Variants in DNAAF10 observed in about 807,000 individuals in gnomAD.
DNAAF10 encodes WD repeat domain 92.
Under a neutral mutation model 43.7 loss-of-function variants are expected in DNAAF10, and 28 were observed. The observed-to-expected ratio is 0.64, with a 90% CI of 0.48 to 0.88. DNAAF10 has a LOEUF of 0.88. Ranked by LOEUF, DNAAF10 falls within the 40% of genes least tolerant of loss-of-function variation. The pLI, the probability that DNAAF10 is intolerant of heterozygous loss-of-function variation, is 0.00. For missense variants in DNAAF10, 403 were observed against 439.1 expected (o/e 0.92, Z 0.73); for synonymous variants, 156 against 157.3 (o/e 0.99, Z 0.06).
chr2:68,134,403 T>G, intron 7 of DNAAF10: 1 of 1,138,188 alleles, frequency 8.8e-7, no homozygotes, highest in Admixed American at 5.1e-5. Flanking sequence ...GCAGTGAGTG[T>G]TCTAATCACT....
chr2:68,154,572 G>A (rs1404158261), intron 1 of DNAAF10, among the ~76,000 whole-genome samples: 1 of 152,114 alleles, frequency 6.6e-6, no homozygotes, highest in Non-Finnish European at 1.5e-5. Flanking sequence ...GGTTATTCCT[G>A]GCATTGAGAT....
At chr2:68,157,215 C>A in intron 1 of DNAAF10, 46 bp downstream of exon 1, 1 of 1,575,576 alleles carries the variant, frequency 6.3e-7, no homozygotes, top group Non-Finnish European at 8.6e-7. Flanking sequence ...CCCCAGGATC[C>A]GCACTCGCCC....
At position 68,147,565 on chromosome 2, in the gene DNAAF10, A is replaced by G. The variant is rs141186811; in HGVS notation, c.186T>C (p.Ile62=). The G allele has an allele frequency of 1.6e-5, 25 of 1,607,336 alleles. No individual in the cohort carries two copies. In the African/African-American group the frequency reaches 3.2e-4, roughly 21 times the overall value. ...QHGDLKLLRE[I]EKAKPIKCGT... ...CACATTTAATAGGTTTGGCCTTTTCAATCTTCATAGAAGGGAGGAAGAGAG... is the reference window on the plus strand; with the variant it reads ...CACATTTAATAGGTTTGGCCTTTTCGATCTTCATAGAAGGGAGGAAGAGAG... Residue 62 remains isoleucine (I), a splice_region_variant and synonymous_variant, in exon 2 of 8, where the codon ATT becomes ATC. Transcript: ENST00000295121.
intron 1 of DNAAF10, among the ~76,000 whole-genome samples, chr2:68,154,937 A>AT (rs896346234): frequency 7.3e-5 from 11 of 151,396 alleles, no homozygotes; most frequent in African/African-American, 2.4e-4. Context: ...TAATTTTTGT[A>AT]TTTTTTTTAT....
Position 68,147,464 on chromosome 2 carries a change from T to C in DNAAF10, c.284+3A>G. 1 of 1,606,414 alleles carries C rather than the reference T, an allele frequency of 6.2e-7. No homozygotes were observed. Among genetic ancestry groups the C allele is most frequent in the Non-Finnish European group, 8.5e-7 (1 of 1,174,594 alleles). ...TGTCTGAATACTGACTAAATCATCT[T>C]ACCATATATGAAGGTTTCCACCAAA... is the stretch of plus-strand genomic sequence containing the variant. On this transcript the variant is annotated splice_donor_region_variant and intron_variant, in intron 2 of 7. Transcript: ENST00000295121.
chr2:68,150,962 T>C (rs1239928485), intron 1 of DNAAF10, among the ~76,000 whole-genome samples: 1 of 152,206 alleles, frequency 6.6e-6, no homozygotes, highest in Non-Finnish European at 1.5e-5. Flanking sequence ...GCAGATTCTT[T>C]GACACCTGCA....
intron 1 of DNAAF10, among the ~76,000 whole-genome samples, chr2:68,153,817 T>C (rs1673517720): frequency 7.0e-6 from 1 of 142,476 alleles, no homozygotes; most frequent in African/African-American, 2.6e-5. Flanking sequence ...AATGGCGCGA[T>C]CTCGGCTCAC....
intron 1 of DNAAF10, 110 bp from the exon 2 acceptor site, chr2:68,147,677 A>T: frequency 1.4e-6 from 1 of 702,662 alleles, no homozygotes; most frequent in Non-Finnish European, 2.1e-6. Context: ...GACAATATAA[A>T]AGGCAATTAA....
rs1672890558 is a variant in DNAAF10 at position 68,129,862 on chromosome 2, T to C, written c.*1376A>G. The C allele has an allele frequency of 6.6e-6, 1 of 152,040 alleles. No individual in the cohort carries two copies. Among genetic ancestry groups the C allele is most frequent in the African/African-American group, 2.4e-5 (1 of 41,406 alleles). The allele number at this position is 152,040 out of a possible 1,614,324, so 9.4% of individuals were successfully genotyped here. ...TAAGGTAACAGAATCAAAGCTTCTGTAGATCTCAAAAACAGAAGTTTATTC... is the reference window on the plus strand; with the variant it reads ...TAAGGTAACAGAATCAAAGCTTCTGCAGATCTCAAAAACAGAAGTTTATTC... On this transcript the variant is annotated 3_prime_UTR_variant, in exon 8 of 8. Transcript: ENST00000295121.
chr2:68,149,397 TG>T (rs1307972097), intron 1 of DNAAF10, among the ~76,000 whole-genome samples: 1 of 152,238 alleles, frequency 6.6e-6, no homozygotes, highest in Non-Finnish European at 1.5e-5. Context: ...GTAACATGTT[TG>T]TAAAAGACCC....
In DNAAF10 at chr2:68,134,776, C is replaced by G; in HGVS notation, c.792G>C (p.Gln264His). The G allele has an allele frequency of 1.2e-6, 2 of 1,613,084 alleles. No individual in the cohort carries two copies. Among genetic ancestry groups the G allele is most frequent in the Non-Finnish European group, 1.7e-6 (2 of 1,179,792 alleles). ...SEKAHKSTVW[Q>H]VRHLPQNREL... ...CCCTGTTCTGCGGCAGGTGTCGGAC[C>G]TGCCACACAGTAGATTTATGAGCCT... The change falls in exon 7 of 8, where the codon CAG (glutamine) becomes CAC (histidine). Residue 264 changes from glutamine to histidine, a missense_variant. Coordinates refer to ENST00000295121, the MANE Select transcript of DNAAF10 (RefSeq NM_138458.4).
At chr2:68,137,485 G>A (rs372140718) in intron 5 of DNAAF10, 52 bp from the exon 6 acceptor site, 1 of 1,526,722 alleles carries the variant, frequency 6.5e-7, no homozygotes, top group South Asian at 1.3e-5. Context: ...TTACTCAGGA[G>A]GCTCTTTTAT....
chr2:68,148,870 AC>A (rs1673388816), intron 1 of DNAAF10, among the ~76,000 whole-genome samples: 1 of 152,156 alleles, frequency 6.6e-6, no homozygotes, highest in South Asian at 2.1e-4. Flanking sequence ...AGTAATCCCC[AC>A]CCTTCTAGGC....
intron 7 of DNAAF10, 92 bp from the exon 8 acceptor site, chr2:68,131,537 T>TAACCAAC: frequency 1.6e-6 from 2 of 1,249,484 alleles, no homozygotes; most frequent in Non-Finnish European, 2.3e-6. Context: ...TATTTCTCAG[T>TAACCAAC]TGGTTACTGG....
intron 1 of DNAAF10, among the ~76,000 whole-genome samples, chr2:68,156,101 C>CAAA (rs10606309): frequency 3.1e-4 from 18 of 58,580 alleles, no homozygotes; most frequent in Non-Finnish European, 3.6e-4. Flanking sequence ...GACCCTGTCT[C>CAAA]AAAAAAAAAA....
intron 7 of DNAAF10, chr2:68,134,032 C>T: frequency 1.5e-6 from 1 of 658,932 alleles, no homozygotes; most frequent in South Asian, 6.8e-5. Flanking sequence ...ATAATTTTTC[C>T]CCTCCAAGTA....
intron 6 of DNAAF10, among the ~76,000 whole-genome samples, chr2:68,136,065 C>T (rs1436856370): frequency 2.0e-5 from 3 of 148,878 alleles, no homozygotes; most frequent in Admixed American, 6.7e-5. Flanking sequence ...AAAAAAAAAT[C>T]TAATTAGCCA....
Position 68,157,379 on chromosome 2 carries a change from A to G in DNAAF10, c.65T>C (p.Phe22Ser). The change falls in exon 1 of 8, where the codon TTT becomes TCT. Residue 22 changes from phenylalanine to serine, a missense_variant. Phe to Ser is a radical substitution (Grantham distance 155). Transcript: ENST00000295121. Reference sequence around the variant, plus strand: ...GCTGCAGGGCACCCACTTACAGTCAAACACCGTGTAGTTGAAGCCCTTCTG... The same window carrying G: ...GCTGCAGGGCACCCACTTACAGTCAGACACCGTGTAGTTGAAGCCCTTCTG... Reference protein sequence around the residue: ...HIQKGFNYTVFDCKWVPCSAK... With the variant: ...HIQKGFNYTVSDCKWVPCSAK... 1 of 1,614,186 alleles carries G rather than the reference A, an allele frequency of 6.2e-7. No homozygotes were observed. Among genetic ancestry groups the G allele is most frequent in the Non-Finnish European group, 8.5e-7 (1 of 1,180,040 alleles).
chr2:68,153,813 G>A (rs1373607970), intron 1 of DNAAF10, among the ~76,000 whole-genome samples: 4 of 139,388 alleles, frequency 2.9e-5, no homozygotes, highest in Admixed American at 1.5e-4. Context: ...GTGCAATGGC[G>A]CGATCTCGGC....
Sources: allele counts gnomAD v4.1 joint callset (sites outside exome capture counted in the v4.1 genomes callset), GRCh38; gene constraint gnomAD v4.1.1; transcripts MANE v1.5; gene names NCBI Gene and HGNC (gene_info 2026-07-23, HGNC 2026-07-21).